HECTD4: variants seen among roughly 807,000 people sequenced by gnomAD.
The protein encoded by HECTD4 is probable E3 ubiquitin-protein ligase HECTD4.
HECTD4 carries 114 observed loss-of-function variants against 471.5 expected under a neutral mutation model. The ratio of observed to expected loss-of-function variants is 0.24; its 90% CI spans 0.21 to 0.28. HECTD4 has a LOEUF of 0.28. Among genes scored for constraint, HECTD4 ranks in the 10% least tolerant of loss-of-function variants. The pLI is 1.00. For missense variants in HECTD4, 3,866 were observed against 5,651.5 expected (o/e 0.68, Z 10.13); for synonymous variants, 2,012 against 2,256.0 (o/e 0.89, Z 3.07).
rs776298344 is a variant in HECTD4, at chr12:112,205,253, T to C, written c.8132-630A>G. Among the ~76,000 whole-genome samples, 35 of 151,196 alleles carry C rather than the reference T, an allele frequency of 2.3e-4. 1 individual carries two copies. The highest frequency in any genetic ancestry group is 4.3e-4 in the Non-Finnish European group (29 of 67,916). On this transcript the variant is annotated intron_variant, in intron 52 of 75. Coordinates refer to ENST00000682272, the MANE Select transcript of HECTD4 (RefSeq NM_001388303.1). The stretch of plus-strand genomic sequence containing the variant: ...GAGTTTGAGACCAGCCTGGCCAACA[T>C]GGCAAAACCCCGTCTCTATTAAAAA...
chr12:112,226,258 T>C (rs553443815), intron 44 of HECTD4, among the ~76,000 whole-genome samples: 1 of 152,052 alleles, frequency 6.6e-6, no homozygotes, highest in Non-Finnish European at 1.5e-5. Flanking sequence ...CAAGGATGGA[T>C]GTTAGTGCAA....
chr12:112,368,259 GCTTAATAGCA>G (rs1329483638), intron 1 of HECTD4, among the ~76,000 whole-genome samples: 8 of 152,118 alleles, frequency 5.3e-5, no homozygotes, highest in African/African-American at 1.9e-4. Flanking sequence ...CACCAAATGT[GCTTAATAGCA>G]CTTTCTAAAC....
At chr12:112,255,891 A>G (rs930707755) in intron 21 of HECTD4, among the ~76,000 whole-genome samples, 8 of 152,222 alleles carry the variant, frequency 5.3e-5, no homozygotes, top group Non-Finnish European at 1.0e-4. Flanking sequence ...AGCACCTCTG[A>G]AACCCTTCTA....
chr12:112,328,263 T>C (rs886711351), intron 1 of HECTD4, among the ~76,000 whole-genome samples: 1 of 151,860 alleles, frequency 6.6e-6, no homozygotes, highest in Admixed American at 6.6e-5. Context: ...CTCAGCCTCC[T>C]GGGTAGCTGG....
Position 112,167,882 on chromosome 12 carries a change from T to C in HECTD4, c.12244A>G (p.Lys4082Glu), listed in dbSNP as rs1459035864. ...GACAGCGAGGAACTCTGCAGCTCCTTACACACCTGCCACAGGAAGTGGCGG... is the reference window on the plus strand; with the variant it reads ...GACAGCGAGGAACTCTGCAGCTCCTCACACACCTGCCACAGGAAGTGGCGG... ...SFRHFLWQVC[K>E]ELQSSSLSLL... The change falls in exon 71 of 76, where the codon AAG becomes GAG. Residue 4082 changes from lysine to glutamate, a missense_variant. Physicochemically the swap from Lys to Glu is moderately conservative, Grantham distance 56. Around this residue, in one of 16 missense-constraint regions of HECTD4, gnomAD observed 715 missense variants for 1,087.6 expected, o/e 0.66. Transcript: ENST00000682272. 1.9e-6 allele frequency: 3 copies of C among 1,613,332 alleles called. No homozygotes were observed. In the Admixed American group the frequency reaches 5.0e-5, roughly 27 times the overall value.
chr12:112,264,319 TA>T (rs1458664066), intron 16 of HECTD4, 107 bp from the exon 17 acceptor site: 8 of 1,127,416 alleles, frequency 7.1e-6, no homozygotes, highest in South Asian at 2.5e-5. Context: ...AAAAGAGAAA[TA>T]AAAAAAACAG....
intron 24 of HECTD4, among the ~76,000 whole-genome samples, chr12:112,250,757 AT>A (rs2033864028): frequency 6.6e-6 from 1 of 152,212 alleles, no homozygotes; most frequent in African/African-American, 2.4e-5. Context: ...AGAAAAGCTT[AT>A]GCAGTTCAAA....
intron 13 of HECTD4, among the ~76,000 whole-genome samples, chr12:112,268,978 C>T (rs2034351170): frequency 6.8e-6 from 1 of 147,192 alleles, no homozygotes; most frequent in Non-Finnish European, 1.5e-5. Context: ...GGGTTCACGC[C>T]ATTCTCCTGC....
intron 64 of HECTD4, among the ~76,000 whole-genome samples, chr12:112,177,604 TCTC>T (rs2031500736): frequency 6.6e-6 from 1 of 152,216 alleles, no homozygotes; most frequent in South Asian, 2.1e-4. Context: ...ATGGTCTCGA[TCTC>T]CTGACCTTGT....
chr12:112,305,962 C>A, intron 7 of HECTD4, 102 bp downstream of exon 7: 1 of 1,075,706 alleles, frequency 9.3e-7, no homozygotes, highest in South Asian at 1.7e-5. Flanking sequence ...ACTGAACACA[C>A]TATACACGCT....
chr12:112,380,243 G>A (rs1488811169), intron 1 of HECTD4, among the ~76,000 whole-genome samples: 1 of 152,062 alleles, frequency 6.6e-6, no homozygotes, highest in Non-Finnish European at 1.5e-5. Flanking sequence ...TCAGGAGTTC[G>A]AGACCAGCCT....
rs2135626526 is a variant in HECTD4 at position 112,273,942 on chromosome 12, A to C, written c.1802-147T>G. 6 of 887,118 alleles carry C rather than the reference A, an allele frequency of 6.8e-6. No individual in the cohort carries two copies. In the South Asian group the frequency reaches 1.1e-4, roughly 17 times the overall value. 55.0% of individuals were successfully genotyped at this position (887,118 alleles called of 1,614,324 possible). A position where few individuals can be genotyped will look rare whatever the true frequency, so the allele number is the denominator to read the frequency against. On this transcript the variant is annotated intron_variant, in intron 10 of 75. Coordinates refer to ENST00000682272, the MANE Select transcript of HECTD4 (RefSeq NM_001388303.1). ...CCTAGTCCCACAGATTTATTTGGTA[A>C]GGCACTAGGTTGGGACTCGGCAAAG...
At chr12:112,373,500 C>T (rs770446060) in intron 1 of HECTD4, among the ~76,000 whole-genome samples, 8 of 151,648 alleles carry the variant, frequency 5.3e-5, no homozygotes, top group African/African-American at 7.3e-5. Context: ...CCAGCCTGGG[C>T]GACAAAGTAA....
At chr12:112,344,368 G>C (rs1024899304) in intron 1 of HECTD4, among the ~76,000 whole-genome samples, 3 of 152,182 alleles carry the variant, frequency 2.0e-5, no homozygotes, top group Non-Finnish European at 4.4e-5. Flanking sequence ...TCTGGTTTCT[G>C]TAACAATTCA....
At chr12:112,302,274 G>C (rs2035180861) in intron 7 of HECTD4, 3 of 906,820 alleles carry the variant, frequency 3.3e-6, no homozygotes, top group Non-Finnish European at 5.4e-6. Context: ...AGGGCAGGTG[G>C]TCTCTTAGTG....
intron 1 of HECTD4, among the ~76,000 whole-genome samples, chr12:112,365,772 G>GTTT (rs5800943): frequency 1.1e-5 from 1 of 91,972 alleles, no homozygotes; most frequent in Non-Finnish European, 2.2e-5. Context: ...TTTTTTTTTT[G>GTTT]TTTTTTTTTT....
At chr12:112,309,695 TTA>T (rs150053889) in intron 4 of HECTD4, 26 bp from the exon 5 acceptor site, 37 of 1,085,600 alleles carry the variant, frequency 3.4e-5, no homozygotes, top group Non-Finnish European at 4.8e-5. Flanking sequence ...CACAGGTAAA[TTA>T]TATATATGTT....
At chr12:112,323,943 G>A (rs1262241165) in intron 1 of HECTD4, among the ~76,000 whole-genome samples, 1 of 141,412 alleles carries the variant, frequency 7.1e-6, no homozygotes, top group African/African-American at 2.6e-5. Flanking sequence ...TTTTTACTGA[G>A]GTGCTTCTTT....
intron 7 of HECTD4, among the ~76,000 whole-genome samples, chr12:112,301,114 C>A (rs1354629525): frequency 6.6e-6 from 1 of 151,476 alleles, no homozygotes; most frequent in Non-Finnish European, 1.5e-5. Flanking sequence ...TCTCGAACTC[C>A]TGACCTTGTG....
Sources: gnomAD v4.1 joint callset for allele counts (sites outside exome capture counted in the v4.1 genomes callset) on GRCh38, gnomAD v4.1.1 for gene constraint, gnomAD v4.1.1 regional missense constraint, MANE v1.5 for transcripts, NCBI Gene and HGNC (gene_info 2026-07-23, HGNC 2026-07-21) for gene names.